The following CSNK1A1 variants were observed in gnomAD, a reference collection of about 807,000 sequenced individuals.
CSNK1A1 encodes casein kinase 1 alpha 1.
In CSNK1A1, 7 loss-of-function variants were observed where a neutral mutation model predicts 46.1. The ratio of observed to expected loss-of-function variants is 0.15; its 90% CI spans 0.09 to 0.29. The LOEUF (loss-of-function observed/expected upper bound fraction) is 0.29. Ranked by LOEUF, CSNK1A1 falls within the 10% of genes least tolerant of loss-of-function variation. The pLI, the probability that CSNK1A1 is intolerant of heterozygous loss-of-function variation, is 1.00. For synonymous variants in CSNK1A1, 137 were observed against 141.5 expected (o/e 0.97, Z 0.23); for missense variants, 96 against 417.1 (o/e 0.23, Z 6.71).
intron 2 of CSNK1A1, among the ~76,000 whole-genome samples, chr5:149,541,395 C>A (rs1348421664): frequency 1.3e-5 from 2 of 151,986 alleles, no homozygotes; most frequent in Non-Finnish European, 2.9e-5. Flanking sequence ...TCAAGTGATC[C>A]GCCCGCCTTG....
At chr5:149,499,951 T>TTTTTTTTC (rs1381726354) in intron 9 of CSNK1A1, among the ~76,000 whole-genome samples, 1 of 85,066 alleles carries the variant, frequency 1.2e-5, no homozygotes, top group African/African-American at 3.4e-5. Flanking sequence ...GGTTGTGGGG[T>TTTTTTTTC]TTTTTTTCTT....
At chr5:149,538,236 G>C (rs1174113354) in intron 2 of CSNK1A1, among the ~76,000 whole-genome samples, 1 of 151,780 alleles carries the variant, frequency 6.6e-6, no homozygotes, top group African/African-American at 2.4e-5. Flanking sequence ...TGGTCAGGCT[G>C]GTCTCGAACT....
At position 149,539,322 on chromosome 5, in the gene CSNK1A1, C is replaced by G. The variant is rs184082197; in HGVS notation, c.230+10753G>C. 2.9e-3 allele frequency among the ~76,000 whole-genome samples: 445 copies of G among 151,922 alleles called. 3 individuals carry two copies. The highest frequency in any genetic ancestry group is 9.7e-3 in the African/African-American group (403 of 41,456). On this transcript the variant is annotated intron_variant, in intron 2 of 9. Coordinates refer to ENST00000377843, the MANE Select transcript of CSNK1A1 (RefSeq NM_001892.6). Reference sequence around the variant, plus strand: ...CTAAAAAATAAAAATAAAAATTAGCCAAGTATGGTGGTGTATGCCTGTAGT... The same window carrying G: ...CTAAAAAATAAAAATAAAAATTAGCGAAGTATGGTGGTGTATGCCTGTAGT...
rs573280571 is a variant in CSNK1A1, at chr5:149,521,901, C to T, written c.358-1513G>A. ...GGGATTACAGGCGTGAGCCACTGCG[C>T]CTGGCCCTTCTATGAGGATTTACTC... On this transcript the variant is annotated intron_variant, in intron 3 of 9. Transcript: ENST00000377843. 2.0e-5 allele frequency among the ~76,000 whole-genome samples: 3 copies of T among 152,262 alleles called. No homozygotes were observed. In the South Asian group the frequency reaches 6.2e-4, roughly 32 times the overall value.
At chr5:149,511,644 C>A in intron 6 of CSNK1A1, 150 bp downstream of exon 6, 1 of 595,568 alleles carries the variant, frequency 1.7e-6, no homozygotes, top group South Asian at 2.2e-5. Flanking sequence ...TTCATTTTCC[C>A]AGATAAAAGG....
intron 8 of CSNK1A1, among the ~76,000 whole-genome samples, chr5:149,505,926 TTCTC>T (rs1411818342): frequency 6.6e-6 from 1 of 152,072 alleles, no homozygotes; most frequent in Admixed American, 6.5e-5. Flanking sequence ...ATTACCTGAA[TTCTC>T]TCTTTTTTTT....
At chr5:149,498,108 A>G in intron 9 of CSNK1A1, 1 of 984,754 alleles carries the variant, frequency 1.0e-6, no homozygotes, top group Non-Finnish European at 1.2e-6. Context: ...TGGGGGTTAC[A>G]GGTGGGAGCC....
At chr5:149,549,638 C>A in intron 2 of CSNK1A1, 1 of 653,016 alleles carries the variant, frequency 1.5e-6, no homozygotes, top group Admixed American at 2.2e-5. Flanking sequence ...GGAACAAAAA[C>A]ACAACAAAAG....
intron 8 of CSNK1A1, among the ~76,000 whole-genome samples, chr5:149,506,562 C>T (rs1761035871): frequency 6.6e-6 from 1 of 152,160 alleles, no homozygotes; most frequent in African/African-American, 2.4e-5. Context: ...TTACTCTCTT[C>T]CAACTAAGAG....
At chr5:149,531,069 T>C (rs969717468) in intron 2 of CSNK1A1, among the ~76,000 whole-genome samples, 1 of 152,076 alleles carries the variant, frequency 6.6e-6, no homozygotes, top group African/African-American at 2.4e-5. Context: ...TATTTGTATA[T>C]GCCATTCTTA....
chr5:149,530,682 C>T (rs758583729), intron 2 of CSNK1A1, among the ~76,000 whole-genome samples: 3 of 152,056 alleles, frequency 2.0e-5, no homozygotes, highest in Non-Finnish European at 4.4e-5. Context: ...GTTCCAGCTA[C>T]TCAGGCCAGG....
At chr5:149,502,368 G>T (rs775717958) in intron 9 of CSNK1A1, 44 of 937,924 alleles carry the variant, frequency 4.7e-5, no homozygotes, top group Non-Finnish European at 5.6e-5. Flanking sequence ...GTGACACAGG[G>T]TCTCATCTGT....
In CSNK1A1 at chr5:149,530,615, T is replaced by C. The variant is rs181775262; in HGVS notation, c.231-5444A>G. 2.2e-3 allele frequency among the ~76,000 whole-genome samples: 332 copies of C among 152,242 alleles called. 2 individuals are homozygous for C. Among genetic ancestry groups the C allele is most frequent in the Admixed American group, 1.8e-3 (27 of 15,288 alleles). On this transcript the variant is annotated intron_variant, in intron 2 of 9. Transcript: ENST00000377843. ...AGAAAAGGAATTTGGCCTAGCAAGA[T>C]CTTGCTGAACCGTAAGAACTAACTC...
intron 4 of CSNK1A1, among the ~76,000 whole-genome samples, chr5:149,515,124 A>T (rs1219959945): frequency 6.6e-6 from 1 of 152,248 alleles, no homozygotes; most frequent in Non-Finnish European, 1.5e-5. Flanking sequence ...ACACAAAAGG[A>T]CATTCAGCTT....
intron 3 of CSNK1A1, among the ~76,000 whole-genome samples, chr5:149,521,336 C>T (rs1761562313): frequency 1.3e-5 from 2 of 150,428 alleles, no homozygotes; most frequent in South Asian, 2.1e-4. Context: ...GTGAAGCAAC[C>T]ATAACTCACT....
chr5:149,534,349 G>C (rs1207554144), intron 2 of CSNK1A1, among the ~76,000 whole-genome samples: 1 of 151,864 alleles, frequency 6.6e-6, no homozygotes, highest in Non-Finnish European at 1.5e-5. Flanking sequence ...GGGCGTGGTG[G>C]CGCACGCCTG....
chr5:149,546,081 G>C (rs1762474461), intron 2 of CSNK1A1, among the ~76,000 whole-genome samples: 1 of 149,552 alleles, frequency 6.7e-6, no homozygotes. Flanking sequence ...TATTTTAGTA[G>C]AGACAGGGTT....
At position 149,548,275 on chromosome 5, in the gene CSNK1A1, G is replaced by C. The variant is rs17110161; in HGVS notation, c.230+1800C>G. 9.9e-3 allele frequency among the ~76,000 whole-genome samples: 1,503 copies of C among 152,290 alleles called. 23 individuals carry two copies. The highest frequency in any genetic ancestry group is 0.034 in the African/African-American group (1,405 of 41,564). On this transcript the variant is annotated intron_variant, in intron 2 of 9. Transcript: ENST00000377843. ...AAAAATACAAACTGGAATAGAAAAA[G>C]GGGCTAACAGGCTGGGCCCGGTGGC...
intron 9 of CSNK1A1, chr5:149,498,411 A>C (rs1253591500): frequency 1.0e-6 from 1 of 985,290 alleles, no homozygotes; most frequent in Non-Finnish European, 1.2e-6. Context: ...TAGCGAGGTA[A>C]ACCTTTCTTT....
Sources: gnomAD v4.1 joint callset for allele counts (sites outside exome capture counted in the v4.1 genomes callset) on GRCh38, gnomAD v4.1.1 for gene constraint, MANE v1.5 for transcripts, NCBI Gene and HGNC (gene_info 2026-07-23, HGNC 2026-07-21) for gene names.